The following SLC6A11 variants were observed in gnomAD, a reference collection of about 807,000 sequenced individuals.
SLC6A11 encodes solute carrier family 6 member 11.
A neutral mutation model predicts 74.8 loss-of-function variants in SLC6A11; 25 were observed. The observed-to-expected ratio is 0.33, with a 90% CI of 0.24 to 0.47. SLC6A11 has a LOEUF of 0.47. Ranked by LOEUF, SLC6A11 falls within the 20% of genes least tolerant of loss-of-function variation. The pLI, the probability that SLC6A11 is intolerant of heterozygous loss-of-function variation, is 1.00. For synonymous variants in SLC6A11, 330 were observed against 330.2 expected (o/e 1.00, Z 0.01); for missense variants, 574 against 837.0 (o/e 0.69, Z 3.88).
intron 5 of SLC6A11, among the ~76,000 whole-genome samples, chr3:10,852,213 C>T (rs1694585074): frequency 6.6e-6 from 1 of 152,230 alleles, no homozygotes; most frequent in Admixed American, 6.5e-5. Context: ...CCGATGTCTG[C>T]ATTCAGAGAG....
At chr3:10,844,461 G>A (rs565916159) in intron 5 of SLC6A11, 115 bp downstream of exon 5, 101 of 1,288,606 alleles carry the variant, frequency 7.8e-5, no homozygotes, top group South Asian at 6.7e-4. Context: ...AGTTGGGAGC[G>A]GGGAGGAACA....
chr3:10,857,293 G>A (rs1287881654), intron 5 of SLC6A11, among the ~76,000 whole-genome samples: 1 of 152,178 alleles, frequency 6.6e-6, no homozygotes, highest in Non-Finnish European at 1.5e-5. Context: ...GAAAGGGAGA[G>A]CCAAGGATGG....
rs1382726100 is a variant in SLC6A11 at position 10,929,670 on chromosome 3, A to G, written c.1371+331A>G. Among the ~76,000 whole-genome samples the G allele has an allele frequency of 2.0e-5, 3 of 152,202 alleles. No homozygotes were observed. The East Asian group carries it at 5.8e-4, about 29-fold the overall frequency. Reference sequence around the variant, plus strand: ...AAGAATAACTTCTGGGTGAAGCAACAACGTCAGCTACTGGCCCCTACAGCA... The same window carrying G: ...AAGAATAACTTCTGGGTGAAGCAACGACGTCAGCTACTGGCCCCTACAGCA... On this transcript the variant is annotated intron_variant, in intron 10 of 13. Coordinates refer to ENST00000254488, the MANE Select transcript of SLC6A11 (RefSeq NM_014229.3).
In SLC6A11 at chr3:10,927,828, A is replaced by C. The variant is rs2106633556; in HGVS notation, c.1234-1374A>C. 2.0e-5 allele frequency among the ~76,000 whole-genome samples: 3 copies of C among 152,294 alleles called. No individual in the cohort carries two copies. The South Asian group carries it at 6.2e-4, about 32-fold the overall frequency. ...TGAAACACCTTTTCTGGGGAGGCAG[A>C]GGTGAATCAGAAAGGATTTGGAGCC... On this transcript the variant is annotated intron_variant, in intron 9 of 13. Transcript: ENST00000254488.
At chr3:10,837,654 T>C (rs180913056) in intron 4 of SLC6A11, among the ~76,000 whole-genome samples, 50 of 152,316 alleles carry the variant, frequency 3.3e-4, no homozygotes, top group Admixed American at 2.9e-3. Flanking sequence ...ACGGTCCTTG[T>C]TGACACCCTT....
chr3:10,882,034 G>A (rs546970291), intron 6 of SLC6A11, among the ~76,000 whole-genome samples: 98 of 152,314 alleles, frequency 6.4e-4, no homozygotes, highest in African/African-American at 2.1e-3. Flanking sequence ...TCCACATGTG[G>A]GCAGCAGGGA....
rs572776240 is a variant in SLC6A11 at position 10,928,690 on chromosome 3, C to A, written c.1234-512C>A. On this transcript the variant is annotated intron_variant, in intron 9 of 13. Transcript: ENST00000254488. ...TGATTGCCCTCCACCAGCAGAGGGGCCTCATCTGCCAGAAAGAAAGGGCAG... is the reference window on the plus strand; with the variant it reads ...TGATTGCCCTCCACCAGCAGAGGGGACTCATCTGCCAGAAAGAAAGGGCAG... 4.6e-5 allele frequency among the ~76,000 whole-genome samples: 7 copies of A among 152,252 alleles called. No individual in the cohort carries two copies. The South Asian group carries it at 8.3e-4, about 18-fold the overall frequency.
intron 4 of SLC6A11, among the ~76,000 whole-genome samples, chr3:10,826,357 G>A (rs746207023): frequency 2.6e-5 from 4 of 152,142 alleles, no homozygotes; most frequent in Non-Finnish European, 5.9e-5. Context: ...AGTCCCATTG[G>A]GTTGAGGTTT....
chr3:10,870,521 A>G (rs1037529318), intron 5 of SLC6A11, among the ~76,000 whole-genome samples: 2 of 152,206 alleles, frequency 1.3e-5, no homozygotes, highest in African/African-American at 4.8e-5. Flanking sequence ...GAGTGGCAGT[A>G]TGTGTGTCAC....
intron 4 of SLC6A11, 90 bp from the exon 5 acceptor site, chr3:10,844,124 C>T: frequency 6.6e-7 from 1 of 1,508,842 alleles, no homozygotes; most frequent in Non-Finnish European, 9.1e-7. Context: ...TGAATGAGCA[C>T]ATGGGCCCAT....
chr3:10,816,674 C>T lies in SLC6A11; in HGVS notation c.256+153C>T, dbSNP rs540798327. ...AGGCACCTCGCGTGTGAGCTCGCCC[C>T]GGAGCGCGGCCCACCTGTGCCAGTG... On this transcript the variant is annotated intron_variant, in intron 1 of 13. Coordinates refer to ENST00000254488, the MANE Select transcript of SLC6A11 (RefSeq NM_014229.3). This position sits in a 1 kb window ranked among gnomAD's most constrained non-coding sequence, Gnocchi z 4.2. Among the ~76,000 whole-genome samples the T allele has an allele frequency of 1.5e-4, 23 of 152,306 alleles. No homozygotes were observed. Among genetic ancestry groups the T allele is most frequent in the African/African-American group, 5.5e-4 (23 of 41,582 alleles).
intron 7 of SLC6A11, among the ~76,000 whole-genome samples, chr3:10,914,570 T>C (rs1269645842): frequency 6.6e-6 from 1 of 152,038 alleles, no homozygotes; most frequent in Non-Finnish European, 1.5e-5. Context: ...CTGGGGTTCT[T>C]TGGGTGAGAG....
chr3:10,864,681 C>A (rs886642810), intron 5 of SLC6A11, among the ~76,000 whole-genome samples: 1 of 152,074 alleles, frequency 6.6e-6, no homozygotes, highest in African/African-American at 2.4e-5. Flanking sequence ...ATAATTTTTT[C>A]CCTTCCTTCT....
chr3:10,833,800 A>T (rs975061103), intron 4 of SLC6A11, among the ~76,000 whole-genome samples: 1 of 152,260 alleles, frequency 6.6e-6, no homozygotes, highest in Non-Finnish European at 1.5e-5. Flanking sequence ...GTCTCCTGTT[A>T]TTATGAGTTC....
chr3:10,835,368 G>A (rs1694353301), intron 4 of SLC6A11, among the ~76,000 whole-genome samples: 1 of 152,208 alleles, frequency 6.6e-6, no homozygotes, highest in African/African-American at 2.4e-5. Context: ...CGTTCTGCGA[G>A]AGAGAATGGC....
intron 4 of SLC6A11, among the ~76,000 whole-genome samples, chr3:10,834,757 C>T (rs1349484293): frequency 1.3e-5 from 2 of 152,184 alleles, no homozygotes; most frequent in Non-Finnish European, 2.9e-5. Context: ...GGACCCTGAG[C>T]AGGTAATGCC....
At chr3:10,933,129 G>A in intron 10 of SLC6A11, 22 bp from the exon 11 acceptor site, 2 of 1,576,866 alleles carry the variant, frequency 1.3e-6, no homozygotes, top group Non-Finnish European at 8.7e-7. Flanking sequence ...TCCCATCCGT[G>A]TGTCTGTTCC....
intron 5 of SLC6A11, among the ~76,000 whole-genome samples, chr3:10,864,883 G>T (rs1326151995): frequency 6.6e-5 from 10 of 152,138 alleles, no homozygotes; most frequent in Non-Finnish European, 1.5e-5. Context: ...TATTCACTCA[G>T]ATTTTCCCAG....
At chr3:10,818,338 T>A (rs1412613435) in intron 1 of SLC6A11, among the ~76,000 whole-genome samples, 1 of 152,216 alleles carries the variant, frequency 6.6e-6, no homozygotes, top group African/African-American at 2.4e-5. Context: ...TAGATTTCGA[T>A]TCAGTAAACA....
Sources: gnomAD v4.1 joint callset for allele counts (sites outside exome capture counted in the v4.1 genomes callset) on GRCh38, gnomAD v4.1.1 for gene constraint, Gnocchi (gnomAD v3.1) non-coding constraint, MANE v1.5 for transcripts, NCBI Gene and HGNC (gene_info 2026-07-23, HGNC 2026-07-21) for gene names.